The following RREB1 variants were observed in gnomAD, a reference collection of about 807,000 sequenced individuals.
RREB1 encodes ras responsive element binding protein 1.
In RREB1, 27 loss-of-function variants were observed where a neutral mutation model predicts 117.8. That is an observed-to-expected ratio of 0.23 (90% CI 0.17 to 0.32). The LOEUF (loss-of-function observed/expected upper bound fraction) is 0.32, where lower values mean the gene tolerates loss of function less well. RREB1 is among the 10% of genes least tolerant of loss of function. The pLI is 1.00. For missense variants in RREB1, 2,577 were observed against 2,378.2 expected (o/e 1.08, Z -1.74); for synonymous variants, 1,298 against 1,026.7 (o/e 1.26, Z -5.05).
intron 2 of RREB1, among the ~76,000 whole-genome samples, chr6:7,177,218 CAAAAAAA>C (rs552706086): frequency 2.9e-4 from 10 of 34,922 alleles, no homozygotes; most frequent in South Asian, 1.9e-3. Context: ...GACTGTCTCA[CAAAAAAA>C]AAAAAAAAAA....
Position 7,187,483 on chromosome 6 carries a change from T to G in RREB1, c.221T>G (p.Ile74Ser), listed in dbSNP as rs1420177634. 1.2e-6 allele frequency: 2 copies of G among 1,606,292 alleles called. No homozygotes were observed. The highest frequency in any genetic ancestry group is 8.5e-7 in the Non-Finnish European group (1 of 1,174,562). The change falls in exon 5 of 13, where the codon ATT becomes AGT. Residue 74 changes from isoleucine to serine, a missense_variant. Coordinates refer to ENST00000379938, the MANE Select transcript of RREB1 (RefSeq NM_001003699.4). ...TATAACTGCCCCCTGTGTGAGAAGA[T>G]TTGCACTACCCAGCACCAGCTGACC... ...SSYNCPLCEK[I>S]CTTQHQLTMH...
chr6:7,129,996 G>A (rs920130613), intron 1 of RREB1, among the ~76,000 whole-genome samples: 6 of 152,160 alleles, frequency 3.9e-5, no homozygotes, highest in African/African-American at 9.7e-5. Context: ...CCAGAGCACC[G>A]TGAGCTGGTG....
intron 1 of RREB1, among the ~76,000 whole-genome samples, chr6:7,162,279 A>C (rs1763710110): frequency 6.6e-6 from 1 of 152,200 alleles, no homozygotes; most frequent in Non-Finnish European, 1.5e-5. Context: ...ACCCTAAAAA[A>C]AAAAAAGAAT....
chr6:7,195,123 A>G (rs1171872845), intron 6 of RREB1, among the ~76,000 whole-genome samples: 1 of 152,188 alleles, frequency 6.6e-6, no homozygotes, highest in Non-Finnish European at 1.5e-5. Context: ...ATGCCAGAAA[A>G]TAAATTGAGT....
At chr6:7,185,421 T>G (rs1258355764) in intron 4 of RREB1, 1 of 151,988 alleles carries the variant, frequency 6.6e-6, no homozygotes, top group Non-Finnish European at 1.5e-5. Flanking sequence ...AATACAAAAA[T>G]TAGCCAGGTG....
chr6:7,208,449 A>G (rs182319033), intron 6 of RREB1, among the ~76,000 whole-genome samples: 1 of 152,346 alleles, frequency 6.6e-6, no homozygotes, highest in Non-Finnish European at 1.5e-5. Context: ...TTGTCAGTGC[A>G]GCTTTTGCTC....
At position 7,229,421 on chromosome 6, in the gene RREB1, CCTTCCAGAAGGG is replaced by C. The variant is rs756720696; in HGVS notation, c.1327_1338del (p.Gln443_Phe446del). On this transcript the variant is annotated inframe_deletion, in exon 10 of 13. Transcript: ENST00000379938. This position sits in a 1 kb window ranked among gnomAD's most constrained non-coding sequence, Gnocchi z 4.5. The stretch of plus-strand genomic sequence containing the variant: ...AGCATAAAGCACCTGTCCCTGCAGC[CCTTCCAGAAGGG>C]CTTCATCATCCAGCCTGACAGCAGC... 3 of 1,614,122 alleles carry C rather than the reference CCTTCCAGAAGGG, an allele frequency of 1.9e-6. No homozygotes were observed. The South Asian group carries it at 3.3e-5, about 18-fold the overall frequency.
intron 1 of RREB1, among the ~76,000 whole-genome samples, chr6:7,157,992 G>T (rs1297770): frequency 0.26 from 39,158 of 151,902 alleles, 6,625 homozygotes; most frequent in African/African-American, 0.48. Flanking sequence ...ACCCTGCTTA[G>T]CCCTGAATAT....
At chr6:7,148,105 C>T (rs570971357) in intron 1 of RREB1, among the ~76,000 whole-genome samples, 7 of 152,154 alleles carry the variant, frequency 4.6e-5, no homozygotes, top group South Asian at 4.1e-4. Flanking sequence ...GCAGGGTATA[C>T]GTGGGGGGAG....
At chr6:7,208,072 C>T (rs1399372294) in intron 6 of RREB1, among the ~76,000 whole-genome samples, 1 of 152,186 alleles carries the variant, frequency 6.6e-6, no homozygotes, top group African/African-American at 2.4e-5. Flanking sequence ...TCATGGGCTC[C>T]TTGTCATTTA....
chr6:7,228,495 C>CTTTTT (rs568193582), intron 9 of RREB1, among the ~76,000 whole-genome samples: 58 of 91,204 alleles, frequency 6.4e-4, no homozygotes, highest in African/African-American at 2.3e-3. Context: ...AGAAGGTCAA[C>CTTTTT]TTTTTTTTTT....
At position 7,150,136 on chromosome 6, in the gene RREB1, A is replaced by C. The variant is rs763082173; in HGVS notation, c.-284-26519A>C. 2.6e-4 allele frequency among the ~76,000 whole-genome samples: 39 copies of C among 151,988 alleles called. 1 individual carries two copies. The highest frequency in any genetic ancestry group is 2.1e-4 in the South Asian group (1 of 4,818). The stretch of plus-strand genomic sequence containing the variant: ...TCTTGGCCTTGTTATATATTAATGG[A>C]CATTTTCATGGAAATCCCAGGGTTG... On this transcript the variant is annotated intron_variant, in intron 1 of 12. Transcript: ENST00000379938.
intron 1 of RREB1, among the ~76,000 whole-genome samples, chr6:7,161,721 T>G (rs763805901): frequency 7.2e-5 from 11 of 152,170 alleles, no homozygotes; most frequent in African/African-American, 1.4e-4. Flanking sequence ...CTTTACTCTC[T>G]CCTGTCCTGG....
intron 6 of RREB1, among the ~76,000 whole-genome samples, chr6:7,206,276 G>T (rs1216974325): frequency 6.6e-6 from 1 of 152,136 alleles, no homozygotes; most frequent in African/African-American, 2.4e-5. Context: ...GAGTGTTTTC[G>T]ATTGAAGTCC....
intron 8 of RREB1, among the ~76,000 whole-genome samples, chr6:7,221,376 G>T (rs1057293569): frequency 1.3e-5 from 2 of 151,956 alleles, no homozygotes; most frequent in South Asian, 4.2e-4. Context: ...GTTTCACCTT[G>T]TTAGCCAGGA....
chr6:7,130,674 TG>T (rs1181068456), intron 1 of RREB1, among the ~76,000 whole-genome samples: 1 of 151,786 alleles, frequency 6.6e-6, no homozygotes, highest in African/African-American at 2.4e-5. Context: ...TGGAGTGCCA[TG>T]GCGTGATCTT....
intron 1 of RREB1, among the ~76,000 whole-genome samples, chr6:7,160,418 A>C (rs1260455549): frequency 1.3e-5 from 2 of 152,236 alleles, no homozygotes; most frequent in Non-Finnish European, 2.9e-5. Flanking sequence ...TGCCTTTTCT[A>C]GACTTTATCC....
At chr6:7,202,182 C>T (rs1766024629) in intron 6 of RREB1, among the ~76,000 whole-genome samples, 1 of 152,176 alleles carries the variant, frequency 6.6e-6, no homozygotes, top group Admixed American at 6.5e-5. Flanking sequence ...CTTGCACTCG[C>T]CCACGGCACC....
At chr6:7,201,500 C>G (rs1016373272) in intron 6 of RREB1, among the ~76,000 whole-genome samples, 8 of 141,106 alleles carry the variant, frequency 5.7e-5, no homozygotes, top group South Asian at 5.1e-4. Context: ...ATTGTCCCCC[C>G]CCCCCAACCC....
Sources: allele counts gnomAD v4.1 joint callset (sites outside exome capture counted in the v4.1 genomes callset), GRCh38; gene constraint gnomAD v4.1.1; non-coding constraint Gnocchi (gnomAD v3.1); transcripts MANE v1.5; gene names NCBI Gene and HGNC (gene_info 2026-07-23, HGNC 2026-07-21).